The following NTM variants were observed in gnomAD, a reference collection of about 807,000 sequenced individuals.
NTM encodes neurotrimin.
A neutral mutation model predicts 42.1 loss-of-function variants in NTM; 13 were observed. That is an observed-to-expected ratio of 0.31 (90% CI 0.20 to 0.49). NTM has a LOEUF of 0.49. Among genes scored for constraint, NTM ranks in the 20% least tolerant of loss-of-function variants. NTM has a pLI of 0.99. For synonymous variants in NTM, 187 were observed against 179.2 expected (o/e 1.04, Z -0.35); for missense variants, 373 against 452.8 (o/e 0.82, Z 1.60).
intron 1 of NTM, among the ~76,000 whole-genome samples, chr11:131,879,319 A>T (rs2049100693): frequency 6.6e-6 from 1 of 152,276 alleles, no homozygotes; most frequent in South Asian, 2.1e-4. Context: ...CACAGCGTCC[A>T]CCCGTCCCGC....
chr11:131,751,564 T>C (rs953207866), intron 1 of NTM, among the ~76,000 whole-genome samples: 7 of 145,902 alleles, frequency 4.8e-5, no homozygotes, highest in Non-Finnish European at 9.0e-5. Context: ...CACTCTGGCC[T>C]GGGCAAAAGA....
intron 2 of NTM, among the ~76,000 whole-genome samples, chr11:132,060,476 A>T (rs963192834): frequency 5.3e-5 from 8 of 152,204 alleles, no homozygotes; most frequent in Non-Finnish European, 7.3e-5. Context: ...CAGTGAGAGA[A>T]ACTGGAATAT....
chr11:131,544,291 G>A (rs1028026301), intron 1 of NTM, among the ~76,000 whole-genome samples: 6 of 152,182 alleles, frequency 3.9e-5, no homozygotes, highest in Non-Finnish European at 8.8e-5. Flanking sequence ...TACTACAGAA[G>A]CATATAAGAA....
intron 1 of NTM, among the ~76,000 whole-genome samples, chr11:131,576,487 C>T (rs2057945770): frequency 6.6e-6 from 1 of 152,184 alleles, no homozygotes; most frequent in Non-Finnish European, 1.5e-5. Context: ...CCAAGATTAT[C>T]AGAGCTTACC....
intron 4 of NTM, among the ~76,000 whole-genome samples, chr11:132,288,100 G>A (rs374008163): frequency 1.3e-5 from 2 of 152,222 alleles, no homozygotes; most frequent in Non-Finnish European, 2.9e-5. Flanking sequence ...CCTAGTGTCA[G>A]TGTTTCTCTG....
intron 1 of NTM, among the ~76,000 whole-genome samples, chr11:131,832,406 G>T (rs567139250): frequency 1.3e-5 from 2 of 152,172 alleles, no homozygotes; most frequent in African/African-American, 4.8e-5. Flanking sequence ...CCCTGAGGAG[G>T]CTTTGACCTG....
chr11:131,763,084 G>A (rs1235238009), intron 1 of NTM, among the ~76,000 whole-genome samples: 1 of 152,166 alleles, frequency 6.6e-6, no homozygotes, highest in African/African-American at 2.4e-5. Context: ...AGTCTTTAGA[G>A]CAGGGGCTGG....
At chr11:132,116,735 G>T (rs1052316843) in intron 2 of NTM, among the ~76,000 whole-genome samples, 1 of 152,196 alleles carries the variant, frequency 6.6e-6, no homozygotes, top group Non-Finnish European at 1.5e-5. Flanking sequence ...TTAAGATCCA[G>T]CCAAAAGCGT....
intron 1 of NTM, among the ~76,000 whole-genome samples, chr11:131,451,242 C>A (rs1950463412): frequency 6.6e-6 from 1 of 152,136 alleles, no homozygotes; most frequent in Non-Finnish European, 1.5e-5. Flanking sequence ...CAGCATATGA[C>A]ATATAGAGGC....
At chr11:132,111,859 T>C (rs1327576390) in intron 2 of NTM, among the ~76,000 whole-genome samples, 1 of 152,268 alleles carries the variant, frequency 6.6e-6, no homozygotes, top group Non-Finnish European at 1.5e-5. Context: ...ATAAAGATGC[T>C]TCACCACTAG....
At position 131,774,903 on chromosome 11, in the gene NTM, G is replaced by C. The variant is rs116595061; in HGVS notation, c.83-136661G>C. Reference sequence around the variant, plus strand: ...TGTAATGTCTCATGAGAAACAGAGTGCACAAGCTCCTTTCCCCTTTCTCTT... The same window carrying C: ...TGTAATGTCTCATGAGAAACAGAGTCCACAAGCTCCTTTCCCCTTTCTCTT... On this transcript the variant is annotated intron_variant, in intron 1 of 8. Transcript: ENST00000683400. Among the ~76,000 whole-genome samples the C allele has an allele frequency of 3.8e-3, 579 of 152,310 alleles. 3 individuals are homozygous for C. The highest frequency in any genetic ancestry group is 0.011 in the African/African-American group (473 of 41,568).
chr11:132,313,658 A>G (rs558849620), intron 6 of NTM, among the ~76,000 whole-genome samples: 1 of 152,296 alleles, frequency 6.6e-6, no homozygotes, highest in African/African-American at 2.4e-5. Context: ...GCTGTTAACA[A>G]CTTCCTGAGA....
chr11:132,318,769 C>T (rs185306662), intron 7 of NTM, among the ~76,000 whole-genome samples: 1 of 152,278 alleles, frequency 6.6e-6, no homozygotes, highest in East Asian at 1.9e-4. Flanking sequence ...CTGACCTCCT[C>T]TCCCCACCTC....
chr11:131,865,618 C>T (rs2047050771), intron 1 of NTM, among the ~76,000 whole-genome samples: 1 of 152,142 alleles, frequency 6.6e-6, no homozygotes, highest in South Asian at 2.1e-4. Flanking sequence ...TGCCCTCACA[C>T]CCTGCTCAAC....
chr11:131,542,616 CT>C (rs1348995206), intron 1 of NTM, among the ~76,000 whole-genome samples: 1 of 152,168 alleles, frequency 6.6e-6, no homozygotes, highest in African/African-American at 2.4e-5. Flanking sequence ...AATGTACCCC[CT>C]ATTTTAGCAC....
chr11:131,934,079 A>C (rs1565771548), intron 2 of NTM, among the ~76,000 whole-genome samples: 2 of 152,168 alleles, frequency 1.3e-5, no homozygotes, highest in Non-Finnish European at 2.9e-5. Context: ...TGTTCTAAAC[A>C]ACAGCACTGG....
chr11:132,170,485 C>T (rs1236752052), intron 3 of NTM, among the ~76,000 whole-genome samples: 1 of 152,202 alleles, frequency 6.6e-6, no homozygotes, highest in East Asian at 1.9e-4. Context: ...CTCTTGGTTA[C>T]TTCTTTATAA....
intron 1 of NTM, among the ~76,000 whole-genome samples, chr11:131,664,097 C>G (rs1339660152): frequency 6.6e-6 from 1 of 152,224 alleles, no homozygotes; most frequent in Non-Finnish European, 1.5e-5. Flanking sequence ...ACTGCTAGGC[C>G]TCTCTGGACA....
intron 1 of NTM, among the ~76,000 whole-genome samples, chr11:131,505,136 T>C (rs2047331991): frequency 2.0e-5 from 3 of 151,940 alleles, no homozygotes; most frequent in Admixed American, 2.0e-4. Context: ...ATCTAAGAAA[T>C]AGGGGTAATA....
Sources: gnomAD v4.1 joint callset for allele counts (sites outside exome capture counted in the v4.1 genomes callset) on GRCh38, gnomAD v4.1.1 for gene constraint, MANE v1.5 for transcripts, NCBI Gene and HGNC (gene_info 2026-07-23, HGNC 2026-07-21) for gene names.